Variants in UNC13C observed in about 807,000 individuals in gnomAD.
UNC13C encodes the protein protein unc-13 homolog C.
UNC13C carries 174 observed loss-of-function variants against 245.4 expected under a neutral mutation model. That is an observed-to-expected ratio of 0.71 (90% CI 0.63 to 0.80). The LOEUF is 0.80. UNC13C is among the 30% of genes least tolerant of loss of function. UNC13C has a pLI of 0.00. For synonymous variants in UNC13C, 992 were observed against 895.1 expected (o/e 1.11, Z -1.93); for missense variants, 2,829 against 2,602.9 (o/e 1.09, Z -1.89).
chr15:54,131,395 C>A (rs546064166), intron 2 of UNC13C, among the ~76,000 whole-genome samples: 185 of 152,136 alleles, frequency 1.2e-3, no homozygotes, highest in Middle Eastern at 3.2e-3. Context: ...CAGTAGTCTC[C>A]CTGATCTACT....
chr15:54,001,747 C>G (rs2249424), intron 1 of UNC13C, among the ~76,000 whole-genome samples: 5,502 of 152,234 alleles, frequency 0.036, 360 homozygotes, highest in African/African-American at 0.13. Context: ...AACTGAGAAA[C>G]AGAGAGATTA....
chr15:54,200,793 C>T (rs1595993427), intron 4 of UNC13C, among the ~76,000 whole-genome samples: 2 of 151,914 alleles, frequency 1.3e-5, no homozygotes, highest in East Asian at 1.9e-4. Flanking sequence ...AACCCAAGCC[C>T]AGCAGAAGAA....
At chr15:54,553,036 A>T (rs190587149) in intron 28 of UNC13C, among the ~76,000 whole-genome samples, 925 of 32,976 alleles carry the variant, frequency 0.028, 6 homozygotes, top group African/African-American at 0.064. Flanking sequence ...ACAATATATA[A>T]TATATATTGT....
chr15:54,109,498 C>A (rs532430158), intron 2 of UNC13C, among the ~76,000 whole-genome samples: 1 of 151,342 alleles, frequency 6.6e-6, no homozygotes, highest in Non-Finnish European at 1.5e-5. Context: ...TGCACCACCA[C>A]GCCCAGCTAA....
intron 4 of UNC13C, among the ~76,000 whole-genome samples, chr15:54,228,122 C>A (rs911274430): frequency 1.3e-5 from 2 of 152,204 alleles, no homozygotes; most frequent in Non-Finnish European, 2.9e-5. Flanking sequence ...TGTCTCTCCC[C>A]ATAGTCACCA....
intron 8 of UNC13C, among the ~76,000 whole-genome samples, chr15:54,258,869 A>G (rs2036349320): frequency 2.0e-5 from 3 of 152,338 alleles, no homozygotes; most frequent in African/African-American, 7.2e-5. Context: ...GCTCAAGACT[A>G]AAAGGTTAGG....
chr15:54,385,361 C>T (rs12591226), intron 17 of UNC13C, among the ~76,000 whole-genome samples: 25,489 of 151,548 alleles, frequency 0.17, 2,405 homozygotes, highest in East Asian at 0.43. Context: ...TACTACTTGA[C>T]CATAAAAATA....
chr15:54,126,809 A>T (rs1165761222), intron 2 of UNC13C, among the ~76,000 whole-genome samples: 1 of 152,212 alleles, frequency 6.6e-6, no homozygotes, highest in African/African-American at 2.4e-5. Context: ...CAATCTATCC[A>T]TCTGACAAAG....
At chr15:54,077,313 C>T (rs1255947476) in intron 2 of UNC13C, among the ~76,000 whole-genome samples, 2 of 151,152 alleles carry the variant, frequency 1.3e-5, no homozygotes, top group Non-Finnish European at 2.9e-5. Flanking sequence ...ATTTCTTCAG[C>T]AAGATTTTCA....
At position 54,327,967 on chromosome 15, in the gene UNC13C, G is replaced by T. The variant is rs372186805; in HGVS notation, c.4426-4076G>T. 8.5e-5 allele frequency among the ~76,000 whole-genome samples: 13 copies of T among 152,160 alleles called. No individual in the cohort carries two copies. In the East Asian group the frequency reaches 2.5e-3, roughly 30 times the overall value. On this transcript the variant is annotated intron_variant, in intron 14 of 32. Coordinates refer to ENST00000260323, the MANE Select transcript of UNC13C (RefSeq NM_001080534.3). Reference sequence around the variant, plus strand: ...TGAAGGGGCAGAAAAAGAATTTACTGTTACAACTTTTCTAAATAAAATGCT... The same window carrying T: ...TGAAGGGGCAGAAAAAGAATTTACTTTTACAACTTTTCTAAATAAAATGCT...
chr15:54,304,072 G>C (rs1441873137), intron 13 of UNC13C, among the ~76,000 whole-genome samples: 2 of 151,796 alleles, frequency 1.3e-5, no homozygotes, highest in Non-Finnish European at 2.9e-5. Flanking sequence ...TCTGTAAAGG[G>C]CCAGATAGTA....
chr15:54,250,848 C>A (rs922674904), intron 8 of UNC13C, among the ~76,000 whole-genome samples: 1 of 146,956 alleles, frequency 6.8e-6, no homozygotes, highest in African/African-American at 2.5e-5. Flanking sequence ...GCTCTGCCTC[C>A]TGGGTTCACG....
intron 2 of UNC13C, among the ~76,000 whole-genome samples, chr15:54,051,178 T>C (rs1897253788): frequency 6.6e-6 from 1 of 152,144 alleles, no homozygotes; most frequent in Non-Finnish European, 1.5e-5. Context: ...CATAGAAAGG[T>C]TTTCCCCACA....
Position 54,393,032 on chromosome 15 carries a change from GTGAACT to G in UNC13C, c.4714-13_4714-8del. Reference sequence around the variant, plus strand: ...TTTAACCTTTTCTTTTGCATGTTGCGTGAACTTGTGAGCAGAGTAAGAAACAGGATA... The same window carrying G: ...TTTAACCTTTTCTTTTGCATGTTGCGTGTGAGCAGAGTAAGAAACAGGATA... On this transcript the variant is annotated splice_polypyrimidine_tract_variant and intron_variant, in intron 17 of 32. Transcript: ENST00000260323. The G allele has an allele frequency of 6.4e-7, 1 of 1,567,190 alleles. No individual in the cohort carries two copies. Among genetic ancestry groups the G allele is most frequent in the Non-Finnish European group, 8.6e-7 (1 of 1,161,084 alleles).
At chr15:54,469,597 T>C (rs2141040280) in intron 19 of UNC13C, among the ~76,000 whole-genome samples, 1 of 151,702 alleles carries the variant, frequency 6.6e-6, no homozygotes, top group South Asian at 2.1e-4. Context: ...TAAAATCCTG[T>C]CTAGTTTACT....
chr15:54,543,131 T>A (rs1193387445), intron 26 of UNC13C, among the ~76,000 whole-genome samples: 1 of 152,190 alleles, frequency 6.6e-6, no homozygotes, highest in Non-Finnish European at 1.5e-5. Context: ...TTGCAGTGGC[T>A]GATACCAGGT....
At chr15:54,401,457 G>T (rs943988210) in intron 18 of UNC13C, among the ~76,000 whole-genome samples, 1 of 152,114 alleles carries the variant, frequency 6.6e-6, no homozygotes, top group African/African-American at 2.4e-5. Context: ...CACAATAAGA[G>T]AAACTAGGTT....
At chr15:54,463,534 A>G (rs575864799) in intron 19 of UNC13C, among the ~76,000 whole-genome samples, 1 of 151,908 alleles carries the variant, frequency 6.6e-6, no homozygotes, top group South Asian at 2.1e-4. Context: ...GGAGCAAGCA[A>G]TTCCAGACGC....
chr15:54,392,928 C>A, intron 17 of UNC13C, 120 bp from the exon 18 acceptor site: 4 of 1,213,034 alleles, frequency 3.3e-6, no homozygotes, highest in South Asian at 4.4e-5. Context: ...GCTTTGACTC[C>A]CATAATCTAA....
Sources: allele counts gnomAD v4.1 joint callset (sites outside exome capture counted in the v4.1 genomes callset), GRCh38; gene constraint gnomAD v4.1.1; transcripts MANE v1.5; gene names NCBI Gene and HGNC (gene_info 2026-07-23, HGNC 2026-07-21).